The following SETBP1 variants were observed in gnomAD, a reference collection of about 807,000 sequenced individuals.
SETBP1 encodes the protein SET-binding protein.
Under a neutral mutation model 101.0 loss-of-function variants are expected in SETBP1, and 9 were observed. The ratio of observed to expected loss-of-function variants is 0.09; its 90% CI spans 0.05 to 0.16. The LOEUF is 0.16. SETBP1 is among the 10% of genes least tolerant of loss of function. SETBP1 has a pLI of 1.00. For missense variants in SETBP1, 1,858 were observed against 2,033.8 expected (o/e 0.91, Z 1.66); for synonymous variants, 818 against 788.5 (o/e 1.04, Z -0.63).
At chr18:44,877,430 T>G (rs2069432163) in intron 3 of SETBP1, 5 of 960,586 alleles carry the variant, frequency 5.2e-6, no homozygotes, top group Non-Finnish European at 6.2e-6. Flanking sequence ...TATTTGTCTT[T>G]TTCTTCTACA....
intron 4 of SETBP1, among the ~76,000 whole-genome samples, chr18:44,978,213 A>G (rs183264625): frequency 6.6e-6 from 1 of 152,268 alleles, no homozygotes; most frequent in East Asian, 1.9e-4. Context: ...CCCATATTTT[A>G]AGAGCGTCAA....
upstream of SETBP1, chr18:44,680,272 C>A (rs1598981318): frequency 6.7e-6 from 1 of 149,318 alleles, no homozygotes; most frequent in African/African-American, 2.4e-5. Context: ...CGCGGCTCGC[C>A]GTTTGACAGA....
intron 4 of SETBP1, among the ~76,000 whole-genome samples, chr18:44,985,572 G>A (rs1281448051): frequency 6.6e-6 from 1 of 152,210 alleles, no homozygotes; most frequent in Non-Finnish European, 1.5e-5. Context: ...CAAGGGCACA[G>A]TTACTTGAGT....
intron 5 of SETBP1, among the ~76,000 whole-genome samples, chr18:45,048,978 CAAAAAAAAAAAAAAA>C (rs71177665): frequency 8.6e-5 from 4 of 46,636 alleles, no homozygotes; most frequent in African/African-American, 2.4e-4. Flanking sequence ...GACTCCGTCT[CAAAAAAAAAAAAAAA>C]AAAAAAAAAA....
In SETBP1 at chr18:44,952,879, G is replaced by A. The variant is rs768609937; in HGVS notation, c.3539G>A (p.Gly1180Asp). 2.5e-6 allele frequency: 4 copies of A among 1,614,154 alleles called. No homozygotes were observed. In the East Asian group the frequency reaches 8.9e-5, roughly 36 times the overall value. ...LSGLFAGKAT[G>D]FSSHILSERL... ...GGTCTTTTTGCAGGCAAAGCCACAG[G>A]CTTCTCCAGCCACATCCTGAGCGAG... Residue 1180 changes from glycine (G) to aspartate (D), a missense_variant, in exon 4 of 6, where the codon GGC (glycine) becomes GAC (aspartate). By Grantham distance (94) the Gly-to-Asp change is moderately conservative. Around this residue, in one of 12 missense-constraint regions of SETBP1, gnomAD observed 417 missense variants for 389.1 expected, o/e 1.07. Transcript: ENST00000649279.
At chr18:44,843,014 C>T (rs1401187776) in intron 2 of SETBP1, among the ~76,000 whole-genome samples, 1 of 152,240 alleles carries the variant, frequency 6.6e-6, no homozygotes, top group Non-Finnish European at 1.5e-5. Context: ...GCTGGTCAAC[C>T]AAAGAGACCG....
chr18:45,064,395 T>G lies in SETBP1; in HGVS notation c.*697T>G, dbSNP rs1411428390. 2 of 152,232 alleles carry G rather than the reference T, an allele frequency of 1.3e-5. No individual in the cohort carries two copies. The highest frequency in any genetic ancestry group is 2.9e-5 in the Non-Finnish European group (2 of 68,040). 9.4% of individuals were successfully genotyped at this position (152,232 alleles called of 1,614,324 possible). A position where few individuals can be genotyped will look rare whatever the true frequency, so the allele number is the denominator to read the frequency against. ...CTATTCCTATTTTTCCTTTGCCCATTGTACTTCCATATATCTTTTCATTAA... is the reference window on the plus strand; with the variant it reads ...CTATTCCTATTTTTCCTTTGCCCATGGTACTTCCATATATCTTTTCATTAA... On this transcript the variant is annotated 3_prime_UTR_variant, in exon 6 of 6. Coordinates refer to ENST00000649279, the MANE Select transcript of SETBP1 (RefSeq NM_015559.3).
At chr18:44,718,248 G>T (rs992843829) in intron 2 of SETBP1, among the ~76,000 whole-genome samples, 1 of 152,184 alleles carries the variant, frequency 6.6e-6, no homozygotes, top group African/African-American at 2.4e-5. Flanking sequence ...AGCAGCAGGT[G>T]CAGGTCAGAC....
chr18:45,027,830 C>T (rs2073200387), intron 4 of SETBP1, among the ~76,000 whole-genome samples: 1 of 152,112 alleles, frequency 6.6e-6, no homozygotes, highest in African/African-American at 2.4e-5. Context: ...GAATGGGACT[C>T]ATTGAGCTAA....
At chr18:44,812,228 G>A (rs1486513218) in intron 2 of SETBP1, among the ~76,000 whole-genome samples, 5 of 151,890 alleles carry the variant, frequency 3.3e-5, no homozygotes, top group African/African-American at 1.2e-4. Flanking sequence ...GTCCCCCACC[G>A]CCACATACAC....
intron 1 of SETBP1, among the ~76,000 whole-genome samples, chr18:44,682,419 G>A (rs1247713056): frequency 2.0e-5 from 3 of 152,200 alleles, no homozygotes; most frequent in African/African-American, 4.8e-5. Flanking sequence ...GGGCGTGTGA[G>A]GGAGGAGAAA....
intron 1 of SETBP1, among the ~76,000 whole-genome samples, chr18:44,683,016 G>A (rs1190123175): frequency 2.6e-5 from 4 of 152,156 alleles, no homozygotes; most frequent in Admixed American, 6.5e-5. Context: ...GGAGGTGGGG[G>A]AGGGGATGGC....
chr18:44,801,840 G>T (rs1446179516), intron 2 of SETBP1, among the ~76,000 whole-genome samples: 1 of 57,288 alleles, frequency 1.7e-5, no homozygotes, highest in Non-Finnish European at 4.5e-5. Context: ...CACTTCCTAC[G>T]TTGTGGTAGT....
intron 3 of SETBP1, chr18:44,872,263 T>C (rs2069293399): frequency 6.6e-6 from 1 of 152,204 alleles, no homozygotes; most frequent in Admixed American, 6.5e-5. Context: ...TAAGTGTCCA[T>C]TGTAGAAATT....
chr18:44,797,575 G>C (rs1173712465), intron 2 of SETBP1, among the ~76,000 whole-genome samples: 1 of 152,150 alleles, frequency 6.6e-6, no homozygotes, highest in Non-Finnish European at 1.5e-5. Context: ...CACAGATGCA[G>C]GTTCAGGATC....
intron 2 of SETBP1, among the ~76,000 whole-genome samples, chr18:44,862,885 G>T (rs1054654126): frequency 1.3e-5 from 2 of 152,164 alleles, no homozygotes; most frequent in Non-Finnish European, 2.9e-5. Context: ...AAGGGAAAAT[G>T]ACATTCATTT....
chr18:44,876,170 C>T (rs2069398544), intron 3 of SETBP1, among the ~76,000 whole-genome samples: 1 of 152,164 alleles, frequency 6.6e-6, no homozygotes, highest in African/African-American at 2.4e-5. Flanking sequence ...GTTTGTCCCT[C>T]CCACAGAGGA....
At chr18:44,953,902 A>G (rs2071423757) in intron 4 of SETBP1, among the ~76,000 whole-genome samples, 2 of 152,020 alleles carry the variant, frequency 1.3e-5, no homozygotes, top group Admixed American at 6.5e-5. Context: ...TTTTTTTTCC[A>G]TGGGCATTTG....
chr18:45,025,888 C>G (rs900453486), intron 4 of SETBP1, among the ~76,000 whole-genome samples: 2 of 152,166 alleles, frequency 1.3e-5, no homozygotes, highest in Non-Finnish European at 2.9e-5. Flanking sequence ...CTTTCGCAAG[C>G]CAGTAAATGT....
Sources: gnomAD v4.1 joint callset for allele counts (sites outside exome capture counted in the v4.1 genomes callset) on GRCh38, gnomAD v4.1.1 for gene constraint, gnomAD v4.1.1 regional missense constraint, MANE v1.5 for transcripts, NCBI Gene and HGNC (gene_info 2026-07-23, HGNC 2026-07-21) for gene names.